PCDHA7: variants seen among roughly 807,000 people sequenced by gnomAD.
The protein encoded by PCDHA7 is protocadherin alpha-7.
A neutral mutation model predicts 57.2 loss-of-function variants in PCDHA7; 37 were observed. The ratio of observed to expected loss-of-function variants is 0.65; its 90% CI spans 0.50 to 0.85. The LOEUF (loss-of-function observed/expected upper bound fraction) is 0.85. Ranked by LOEUF, PCDHA7 falls within the 40% of genes least tolerant of loss-of-function variation. PCDHA7 has a pLI of 0.00. For synonymous variants in PCDHA7, 553 were observed against 558.8 expected (o/e 0.99, Z 0.15); for missense variants, 1,188 against 1,241.8 (o/e 0.96, Z 0.65).
chr5:140,917,936 A>G (rs155801), intron 1 of PCDHA7, among the ~76,000 whole-genome samples: 49,654 of 151,910 alleles, frequency 0.33, 8,386 homozygotes, highest in East Asian at 0.53. Context: ...GAAAAATAAT[A>G]TTGGTAGTTT....
chr5:140,856,140 A>G lies in PCDHA7; in HGVS notation c.2355+19402A>G, dbSNP rs782672623. Reference sequence around the variant, plus strand: ...TGGGAGGTGGGGAGCGGCCAGCTCCACTACTCAGTCTACGAGGAGGCCAGA... The same window carrying G: ...TGGGAGGTGGGGAGCGGCCAGCTCCGCTACTCAGTCTACGAGGAGGCCAGA... On this transcript the variant is annotated intron_variant, in intron 1 of 3. Transcript: ENST00000525929. 4.4e-6 allele frequency: 7 copies of G among 1,598,030 alleles called. 1 individual carries two copies. The African/African-American group carries it at 8.1e-5, about 18-fold the overall frequency.
At chr5:140,871,043 T>A (rs763700203) in intron 1 of PCDHA7, 1 of 1,613,370 alleles carries the variant, frequency 6.2e-7, no homozygotes, top group Non-Finnish European at 8.5e-7. Context: ...CACCGACTTC[T>A]AGTACTGGTG....
intron 1 of PCDHA7, among the ~76,000 whole-genome samples, chr5:140,891,303 T>C (rs1007949282): frequency 6.6e-6 from 1 of 152,178 alleles, no homozygotes; most frequent in Non-Finnish European, 1.5e-5. Flanking sequence ...GGTATTTGAT[T>C]ACATGAGTAA....
intron 3 of PCDHA7, among the ~76,000 whole-genome samples, chr5:141,001,540 G>A (rs1318714170): frequency 6.6e-6 from 1 of 152,174 alleles, no homozygotes; most frequent in African/African-American, 2.4e-5. Flanking sequence ...TCCTGGACAG[G>A]ATTTGGGTTT....
chr5:140,876,185 A>AC (rs782573528), intron 1 of PCDHA7: 1 of 1,613,986 alleles, frequency 6.2e-7, no homozygotes, highest in East Asian at 2.2e-5. Context: ...GTGAATGACA[A>AC]TGGTCCGGCG....
intron 1 of PCDHA7, chr5:140,863,507 T>A: frequency 2.4e-6 from 1 of 420,150 alleles, no homozygotes. Flanking sequence ...CTTTTAGTCC[T>A]AGTGTTCTCC....
intron 1 of PCDHA7, among the ~76,000 whole-genome samples, chr5:140,959,240 G>A (rs1554223957): frequency 1.3e-5 from 2 of 152,074 alleles, no homozygotes; most frequent in African/African-American, 4.8e-5. Flanking sequence ...ATCTGGGCAT[G>A]ATAGTGCATG....
intron 1 of PCDHA7, among the ~76,000 whole-genome samples, chr5:140,845,892 T>C (rs1282025011): frequency 4.0e-5 from 6 of 149,784 alleles, no homozygotes; most frequent in African/African-American, 1.5e-4. Context: ...CAGAAAGTCG[T>C]TATGGCCTTC....
rs201793837 is a variant in PCDHA7 at position 141,003,710 on chromosome 5, A to G, written c.2504-5917A>G. Among the ~76,000 whole-genome samples, 7 of 152,316 alleles carry G rather than the reference A, an allele frequency of 4.6e-5. No homozygotes were observed. The East Asian group carries it at 1.2e-3, about 25-fold the overall frequency. On this transcript the variant is annotated intron_variant, in intron 3 of 3. Transcript: ENST00000525929. ...AAATATATCCCTACCAATTGTGAAG[A>G]TATCGGCTAATCCAATAAAAAAGCA... is the stretch of plus-strand genomic sequence containing the variant.
chr5:140,836,091 G>A lies in PCDHA7; in HGVS notation c.1708G>A (p.Val570Met). ...CGCGCCGGCACTGCTGGCGCCTCGG[G>A]TGGGTGGCACTGGTGGCGCAGTGAG... The part of the protein sequence containing the change: ...DNAPALLAPR[V>M]GGTGGAVREL... Residue 570 changes from valine to methionine, a missense_variant, in exon 1 of 4, where the codon GTG becomes ATG. By Grantham distance (21) the Val-to-Met change is conservative. Around this residue, in one of 3 missense-constraint regions of PCDHA7, gnomAD observed 892 missense variants for 788.5 expected, o/e 1.13. Transcript: ENST00000525929. The A allele has an allele frequency of 6.2e-7, 1 of 1,613,712 alleles. No homozygotes were observed. Among genetic ancestry groups the A allele is most frequent in the Non-Finnish European group, 8.5e-7 (1 of 1,179,784 alleles).
rs1298083559 is a variant in PCDHA7, at chr5:140,858,734, T to C, written c.2355+21996T>C. ...ATAGGTTGCAGTTCTGACGATTTAC[T>C]TTCATAATCACTTTTCGTTACAAAT... On this transcript the variant is annotated intron_variant, in intron 1 of 3. Coordinates refer to ENST00000525929, the MANE Select transcript of PCDHA7 (RefSeq NM_018910.3). The C allele has an allele frequency of 1.7e-5, 8 of 476,746 alleles. 1 individual carries two copies. Among genetic ancestry groups the C allele is most frequent in the East Asian group, 3.2e-5 (1 of 30,834 alleles). 29.5% of individuals were successfully genotyped at this position (476,746 alleles called of 1,614,324 possible).
At chr5:140,842,799 C>G (rs2150344737) in intron 1 of PCDHA7, 2 of 1,594,426 alleles carry the variant, frequency 1.3e-6, no homozygotes, top group Non-Finnish European at 1.7e-6. Context: ...GTGTCCTACT[C>G]GCTTGTGGAG....
intron 1 of PCDHA7, among the ~76,000 whole-genome samples, chr5:140,881,006 G>A (rs2058554707): frequency 6.6e-6 from 1 of 152,172 alleles, no homozygotes; most frequent in South Asian, 2.1e-4. Flanking sequence ...GGAGAGCAGA[G>A]CTATGGAAAT....
At chr5:140,879,141 G>C (rs1413837977) in intron 1 of PCDHA7, among the ~76,000 whole-genome samples, 2 of 152,192 alleles carry the variant, frequency 1.3e-5, no homozygotes, top group Non-Finnish European at 2.9e-5. Context: ...GATTGTGAAG[G>C]CAGGAAAGCT....
intron 1 of PCDHA7, among the ~76,000 whole-genome samples, chr5:140,878,435 A>G (rs1582436641): frequency 6.6e-6 from 1 of 152,242 alleles, no homozygotes; most frequent in African/African-American, 2.4e-5. Context: ...TAGATACTGT[A>G]CTATTCTTAT....
At chr5:140,862,306 C>T (rs184682479) in intron 1 of PCDHA7, 3 of 279,438 alleles carry the variant, frequency 1.1e-5, no homozygotes, top group Admixed American at 9.2e-5. Flanking sequence ...CACTGGGTAC[C>T]GTCATAGCCC....
chr5:140,940,499 G>A (rs190058542), intron 1 of PCDHA7, among the ~76,000 whole-genome samples: 23 of 151,756 alleles, frequency 1.5e-4, no homozygotes, highest in African/African-American at 3.9e-4. Context: ...GTCTTGCTCC[G>A]TCGCTCAGGC....
intron 1 of PCDHA7, among the ~76,000 whole-genome samples, chr5:140,898,001 C>G (rs2066457062): frequency 6.6e-6 from 1 of 152,116 alleles, no homozygotes; most frequent in Non-Finnish European, 1.5e-5. Flanking sequence ...TGAGAAGTGT[C>G]TGTTCATATC....
Position 140,835,431 on chromosome 5 carries a change from T to C in PCDHA7, c.1048T>C (p.Leu350=), listed in dbSNP as rs2150235593. The C allele has an allele frequency of 6.2e-7, 1 of 1,613,912 alleles. No individual in the cohort carries two copies. Among genetic ancestry groups the C allele is most frequent in the Non-Finnish European group, 8.5e-7 (1 of 1,179,866 alleles). ...VVDVNDNAPQ[L]TLTSLSLPIP... is the part of the protein sequence containing the mutation. Reference sequence around the variant, plus strand: ...GGATGTAAATGACAATGCTCCACAGTTGACTCTCACTTCCCTGTCTCTCCC... The same window carrying C: ...GGATGTAAATGACAATGCTCCACAGCTGACTCTCACTTCCCTGTCTCTCCC... The change falls in exon 1 of 4, where the codon TTG becomes CTG. Residue 350 remains leucine, a synonymous_variant. Coordinates refer to ENST00000525929, the MANE Select transcript of PCDHA7 (RefSeq NM_018910.3).
Sources: gnomAD v4.1 joint callset for allele counts (sites outside exome capture counted in the v4.1 genomes callset) on GRCh38, gnomAD v4.1.1 for gene constraint, gnomAD v4.1.1 regional missense constraint, MANE v1.5 for transcripts, NCBI Gene and HGNC (gene_info 2026-07-23, HGNC 2026-07-21) for gene names.